The following STAB2 variants were observed in gnomAD, a reference collection of about 807,000 sequenced individuals.
The protein encoded by STAB2 is stabilin-2.
Under a neutral mutation model 338.1 loss-of-function variants are expected in STAB2, and 288 were observed. That is an observed-to-expected ratio of 0.85 (90% CI 0.77 to 0.94). The LOEUF (loss-of-function observed/expected upper bound fraction) is 0.94. STAB2 is among the 40% of genes least tolerant of loss of function. The pLI, the probability that STAB2 is intolerant of heterozygous loss-of-function variation, is 0.00. For synonymous variants in STAB2, 1,202 were observed against 1,193.3 expected, an observed-to-expected ratio of 1.01 and a Z score of -0.15; for missense variants, 3,141 against 3,210.1, an observed-to-expected ratio of 0.98 and a Z score of 0.52.
At chr12:103,693,442 CA>C (rs916003926) in intron 31 of STAB2, among the ~76,000 whole-genome samples, 26 of 146,408 alleles carry the variant, frequency 1.8e-4, no homozygotes, top group African/African-American at 2.0e-4. Flanking sequence ...CTCACAAAAA[CA>C]AAAAAAAAAC....
At chr12:103,630,100 G>T (rs914018274) in intron 5 of STAB2, among the ~76,000 whole-genome samples, 1 of 152,170 alleles carries the variant, frequency 6.6e-6, no homozygotes, top group Non-Finnish European at 1.5e-5. Flanking sequence ...TTTGGGGAAG[G>T]TCACCCTGAT....
chr12:103,704,487 C>A (rs765155418), intron 35 of STAB2, 71 bp from the exon 36 acceptor site: 1 of 1,495,676 alleles, frequency 6.7e-7, no homozygotes, highest in East Asian at 2.3e-5. Flanking sequence ...ACCTTCATTT[C>A]CAAGTTCTGG....
At chr12:103,694,895 G>C (rs1593245902) in intron 31 of STAB2, among the ~76,000 whole-genome samples, 1 of 151,998 alleles carries the variant, frequency 6.6e-6, no homozygotes, top group East Asian at 1.9e-4. Flanking sequence ...TGAGTAAGGA[G>C]TATGTCCCAA....
At chr12:103,690,116 C>G (rs1877796356) in intron 29 of STAB2, 134 bp downstream of exon 29, 1 of 1,290,028 alleles carries the variant, frequency 7.8e-7, no homozygotes, top group South Asian at 1.5e-5. Context: ...TTCTCCTTTC[C>G]TCCCACCCCA....
Position 103,692,846 on chromosome 12 carries a change from G to T in STAB2, c.3332G>T (p.Gly1111Val). 1 of 1,613,722 alleles carries T rather than the reference G, an allele frequency of 6.2e-7. No individual in the cohort carries two copies. Among genetic ancestry groups the T allele is most frequent in the South Asian group, 1.1e-5 (1 of 91,026 alleles). The change falls in exon 31 of 69, where the codon GGG becomes GTG. Residue 1111 changes from glycine to valine, a missense_variant. Transcript: ENST00000388887. ...ATTGAAGGGGCCTCCATTGTCGATG[G>T]GGACAACGCAGCCACAAATGGAGTG... ...ITIEGASIVD[G>V]DNAATNGVIH...
rs1209885771 is a variant in STAB2 at position 103,635,671 on chromosome 12, C to T, written c.584-1440C>T. On this transcript the variant is annotated intron_variant, in intron 6 of 68. Coordinates refer to ENST00000388887, the MANE Select transcript of STAB2 (RefSeq NM_017564.10). ...TGGTCATCTGGAGAGCTGGACACAT[C>T]CCCTGAATCCCACACAGCTGGTCTG... Among the ~76,000 whole-genome samples, 7 of 152,212 alleles carry T rather than the reference C, an allele frequency of 4.6e-5. No individual in the cohort carries two copies. The East Asian group carries it at 1.4e-3, about 29-fold the overall frequency.
At position 103,587,482 on chromosome 12, in the gene STAB2, G is replaced by A. The variant is rs1402732219; in HGVS notation, c.6G>A (p.Met2Ile). The change falls in exon 1 of 69, where the codon ATG (methionine) becomes ATA (isoleucine). Residue 2 changes from methionine to isoleucine, a missense_variant. Physicochemically the swap from Met to Ile is conservative, Grantham distance 10. Coordinates refer to ENST00000388887, the MANE Select transcript of STAB2 (RefSeq NM_017564.10). The part of the protein sequence containing the change: M[M>I]LQHLVIFCLG... ...GAAGGAGCAAATATTTCCTCATGAT[G>A]CTACAACATTTAGTAATTTTTTGTC... 4 of 1,613,580 alleles carry A rather than the reference G, an allele frequency of 2.5e-6. No individual in the cohort carries two copies. In the African/African-American group the frequency reaches 4.0e-5, roughly 16 times the overall value.
chr12:103,616,882 T>C (rs17034225), intron 3 of STAB2, among the ~76,000 whole-genome samples: 43,243 of 152,174 alleles, frequency 0.28, 7,111 homozygotes, highest in African/African-American at 0.45. Context: ...CTCAACAATA[T>C]GAGTGAACTC....
chr12:103,591,882 G>A (rs535060292), intron 2 of STAB2, among the ~76,000 whole-genome samples: 101 of 152,274 alleles, frequency 6.6e-4, no homozygotes, highest in Admixed American at 3.9e-3. Context: ...TTGTATTTGC[G>A]CAGCCTGTTT....
At chr12:103,685,945 C>G (rs191223197) in intron 27 of STAB2, among the ~76,000 whole-genome samples, 39 of 152,164 alleles carry the variant, frequency 2.6e-4, no homozygotes, top group Non-Finnish European at 4.9e-4. Context: ...CTGGTAGCCA[C>G]GAATCCACTC....
At chr12:103,740,474 A>G in intron 54 of STAB2, among the ~76,000 whole-genome samples, 156 bp from the exon 55 acceptor site, 1 of 152,076 alleles carries the variant, frequency 6.6e-6, no homozygotes, top group African/African-American at 2.4e-5. Context: ...CTCCCATAGG[A>G]AAAATATCAC....
At chr12:103,760,860 C>T (rs936533115) in intron 65 of STAB2, among the ~76,000 whole-genome samples, 21 of 152,216 alleles carry the variant, frequency 1.4e-4, no homozygotes, top group Non-Finnish European at 1.5e-5. Flanking sequence ...AGACGTGATT[C>T]AGCAGGGGAG....
chr12:103,604,182 G>A (rs1374951962), intron 3 of STAB2, among the ~76,000 whole-genome samples: 1 of 151,990 alleles, frequency 6.6e-6, no homozygotes, highest in Non-Finnish European at 1.5e-5. Flanking sequence ...TTTCTAATCT[G>A]CATTCATTTT....
intron 24 of STAB2, 47 bp from the exon 25 acceptor site, chr12:103,677,406 G>T (rs373866322): frequency 4.5e-6 from 7 of 1,566,302 alleles, no homozygotes; most frequent in East Asian, 4.6e-5. Context: ...GAATCATGTG[G>T]CTGGACTGAG....
chr12:103,622,144 G>T, intron 5 of STAB2, 33 bp downstream of exon 5: 2 of 1,609,352 alleles, frequency 1.2e-6, no homozygotes, highest in African/African-American at 1.3e-5. Context: ...CACCACATTT[G>T]TAAGGGTTGA....
chr12:103,656,677 A>ATTTT (rs62855260), intron 15 of STAB2, among the ~76,000 whole-genome samples: 46 of 118,962 alleles, frequency 3.9e-4, no homozygotes, highest in African/African-American at 1.1e-3. Context: ...AAAACTTAGG[A>ATTTT]TTTTTTTTTT....
intron 55 of STAB2, among the ~76,000 whole-genome samples, chr12:103,741,260 A>G (rs1319297798): frequency 6.6e-6 from 1 of 152,134 alleles, no homozygotes; most frequent in Non-Finnish European, 1.5e-5. Context: ...CCCATTCTGA[A>G]ACCCCTGTGT....
chr12:103,591,801 G>A (rs1370580681), intron 2 of STAB2, among the ~76,000 whole-genome samples: 4 of 152,172 alleles, frequency 2.6e-5, no homozygotes, highest in African/African-American at 9.7e-5. Context: ...GGCTAATTCT[G>A]GCAAAGGATG....
intron 25 of STAB2, among the ~76,000 whole-genome samples, chr12:103,678,570 A>T (rs1876603749): frequency 6.6e-6 from 1 of 152,188 alleles, no homozygotes; most frequent in South Asian, 2.1e-4. Context: ...TCTGTCGCCC[A>T]GGCTGGAGTG....
Sources: gnomAD v4.1 joint callset for allele counts (sites outside exome capture counted in the v4.1 genomes callset) on GRCh38, gnomAD v4.1.1 for gene constraint, MANE v1.5 for transcripts, NCBI Gene and HGNC (gene_info 2026-07-23, HGNC 2026-07-21) for gene names.